The following MYO10 variants were observed in gnomAD, a reference collection of about 807,000 sequenced individuals.
MYO10 encodes the protein unconventional myosin-X.
A neutral mutation model predicts 257.3 loss-of-function variants in MYO10; 133 were observed. The observed-to-expected ratio is 0.52, with a 90% CI of 0.45 to 0.60. The LOEUF (loss-of-function observed/expected upper bound fraction) is 0.60, where lower values mean the gene tolerates loss of function less well. MYO10 is among the 20% of genes least tolerant of loss of function. The pLI, the probability that MYO10 is intolerant of heterozygous loss-of-function variation, is 0.00. For missense variants in MYO10, 2,399 were observed against 2,635.7 expected (o/e 0.91, Z 1.97); for synonymous variants, 1,104 against 1,028.6 (o/e 1.07, Z -1.40).
At chr5:16,820,128 G>T (rs941939038) in intron 2 of MYO10, among the ~76,000 whole-genome samples, 19 of 152,356 alleles carry the variant, frequency 1.2e-4, no homozygotes, top group Middle Eastern at 3.4e-3. Context: ...GAAGGCACAA[G>T]GACATTCAAG....
chr5:16,737,863 C>G (rs551625758), intron 19 of MYO10, among the ~76,000 whole-genome samples: 9 of 152,210 alleles, frequency 5.9e-5, no homozygotes, highest in Admixed American at 2.6e-4. Context: ...CCAGTACTGC[C>G]GAGGCCAAGA....
At chr5:16,697,351 C>T (rs558885248) in intron 26 of MYO10, among the ~76,000 whole-genome samples, 4 of 151,874 alleles carry the variant, frequency 2.6e-5, no homozygotes, top group Middle Eastern at 3.4e-3. Context: ...TGGAAAAAAA[C>T]GTAAAGAAGC....
In MYO10 at chr5:16,675,027, T is replaced by C; in HGVS notation, c.4790A>G (p.His1597Arg). ...CTCGTCCCGCAGAGGTCGCAGGTCA[T>C]GCCCTGTCTGTAGGATGCCCTGGAT... is the stretch of plus-strand genomic sequence containing the variant. ...PIIQGILQTG[H>R]DLRPLRDELY... Residue 1597 changes from histidine to arginine, a missense_variant, in exon 35 of 41, where the codon CAT (histidine) becomes CGT (arginine). His to Arg is a conservative substitution (Grantham distance 29, BLOSUM62 0). Coordinates refer to ENST00000513610, the MANE Select transcript of MYO10 (RefSeq NM_012334.3). 1 of 1,614,020 alleles carries C rather than the reference T, an allele frequency of 6.2e-7. No homozygotes were observed. Among genetic ancestry groups the C allele is most frequent in the Non-Finnish European group, 8.5e-7 (1 of 1,179,896 alleles).
intron 2 of MYO10, among the ~76,000 whole-genome samples, chr5:16,831,442 C>T (rs185969009): frequency 2.6e-4 from 40 of 152,238 alleles, no homozygotes; most frequent in African/African-American, 7.9e-4. Context: ...CAGCACAATT[C>T]GCAATTGCAA....
chr5:16,796,482 A>G (rs56149839), intron 3 of MYO10, among the ~76,000 whole-genome samples: 12,059 of 88,358 alleles, frequency 0.14, 936 homozygotes, highest in South Asian at 0.17. Context: ...AGAAAAGAAA[A>G]GAAAGAAAGA....
At chr5:16,902,694 G>GAGAT in intron 1 of MYO10, 4 of 897,218 alleles carry the variant, frequency 4.5e-6, no homozygotes, top group Non-Finnish European at 7.3e-6. Context: ...ATTTTTAGTG[G>GAGAT]AGATGGGGTT....
At chr5:16,872,155 A>T (rs552236400) in intron 2 of MYO10, among the ~76,000 whole-genome samples, 2 of 152,316 alleles carry the variant, frequency 1.3e-5, no homozygotes, top group Non-Finnish European at 2.9e-5. Context: ...TGCCGACCAC[A>T]AGTCAAGGGC....
chr5:16,804,539 C>T (rs1302426246), intron 3 of MYO10, among the ~76,000 whole-genome samples: 3 of 152,156 alleles, frequency 2.0e-5, no homozygotes, highest in Non-Finnish European at 4.4e-5. Flanking sequence ...AAAATAACAC[C>T]GGCAACCATA....
Position 16,764,276 on chromosome 5 carries a change from C to T in MYO10, c.1300G>A (p.Asp434Asn). 6.2e-7 allele frequency: 1 copy of T among 1,613,962 alleles called. No homozygotes were observed. Reference sequence around the variant, plus strand: ...TCAAAGTTTTCAAATCCAAAGATGTCGAGGATGCCAATAGACTTGAAGTCC... The same window carrying T: ...TCAAAGTTTTCAAATCCAAAGATGTTGAGGATGCCAATAGACTTGAAGTCC... ...NEDFKSIGIL[D>N]IFGFENFEVN... Residue 434 changes from aspartate to asparagine, a missense_variant, in exon 12 of 41, where the codon GAC becomes AAC. Transcript: ENST00000513610.
chr5:16,902,174 T>G, intron 1 of MYO10: 2 of 604,876 alleles, frequency 3.3e-6, no homozygotes, highest in Non-Finnish European at 2.9e-6. Context: ...GCCTCCCAAG[T>G]AGTTGGGATT....
At chr5:16,821,620 C>T (rs1561002536) in intron 2 of MYO10, among the ~76,000 whole-genome samples, 1 of 151,300 alleles carries the variant, frequency 6.6e-6, no homozygotes. Context: ...GCGCCCACCA[C>T]CACGCCCAGC....
chr5:16,731,281 G>T (rs559907868), intron 19 of MYO10, among the ~76,000 whole-genome samples: 2 of 151,598 alleles, frequency 1.3e-5, no homozygotes, highest in Admixed American at 1.3e-4. Flanking sequence ...CTGACCTCAT[G>T]AGCCACCCAC....
At chr5:16,680,667 A>C (rs980315900) in intron 32 of MYO10, among the ~76,000 whole-genome samples, 4 of 152,208 alleles carry the variant, frequency 2.6e-5, no homozygotes, top group Non-Finnish European at 5.9e-5. Context: ...CACTTTCATA[A>C]TACTACAAAA....
At chr5:16,849,614 G>A (rs1377156987) in intron 2 of MYO10, among the ~76,000 whole-genome samples, 11 of 152,276 alleles carry the variant, frequency 7.2e-5, no homozygotes, top group East Asian at 1.9e-4. Flanking sequence ...CCAAATCCTA[G>A]CTGCATGATT....
At chr5:16,740,809 T>C (rs560210210) in intron 19 of MYO10, among the ~76,000 whole-genome samples, 13 of 152,006 alleles carry the variant, frequency 8.6e-5, no homozygotes, top group South Asian at 6.2e-4. Context: ...CATTTTCCCA[T>C]AGACAACTTA....
In MYO10 at chr5:16,681,296, C is replaced by T. The variant is rs774228588; in HGVS notation, c.4384+13G>A. 1 of 1,600,254 alleles carries T rather than the reference C, an allele frequency of 6.2e-7. No homozygotes were observed. Among genetic ancestry groups the T allele is most frequent in the African/African-American group, 1.3e-5 (1 of 74,254 alleles). On this transcript the variant is annotated intron_variant, in intron 32 of 40. Transcript: ENST00000513610. ...GATTTGATGCTCAGGGTTCGGGCAG[C>T]CAGCCTGGTTACCTGTCTCTTTGAA...
intron 2 of MYO10, among the ~76,000 whole-genome samples, chr5:16,852,941 T>C (rs1743849905): frequency 1.3e-5 from 2 of 152,032 alleles, no homozygotes; most frequent in Non-Finnish European, 2.9e-5. Context: ...ATAACAACAG[T>C]AAACTGTCCA....
At position 16,694,496 on chromosome 5, in the gene MYO10, G is replaced by GCC; in HGVS notation, c.3673_3674dup (p.Ser1226AlafsTer22). On this transcript the variant is annotated frameshift_variant, in exon 27 of 41. Coordinates refer to ENST00000513610, the MANE Select transcript of MYO10 (RefSeq NM_012334.3). LOFTEE classifies it high-confidence loss of function. ...AATTTCTCCTGGACAGCGTGGAGGA[G>GCC]CCCCCCCCTTTTTTGTGGAGCCAGC... 6.2e-7 allele frequency: 1 copy of GCC among 1,613,496 alleles called. No individual in the cohort carries two copies.
intron 19 of MYO10, among the ~76,000 whole-genome samples, chr5:16,717,611 A>C (rs867385659): frequency 1.3e-5 from 2 of 152,276 alleles, no homozygotes; most frequent in Non-Finnish European, 2.9e-5. Context: ...TTAGAAAATC[A>C]AATTGCAAAC....
Sources: gnomAD v4.1 joint callset for allele counts (sites outside exome capture counted in the v4.1 genomes callset) on GRCh38, gnomAD v4.1.1 for gene constraint, MANE v1.5 for transcripts, NCBI Gene and HGNC (gene_info 2026-07-23, HGNC 2026-07-21) for gene names.